Variants in KCNQ1 observed in about 807,000 individuals in gnomAD.
KCNQ1 encodes the protein potassium voltage-gated channel subfamily KQT member 1.
In KCNQ1, 49 loss-of-function variants were observed where a neutral mutation model predicts 72.4. That is an observed-to-expected ratio of 0.68 (90% CI 0.54 to 0.86). The LOEUF (loss-of-function observed/expected upper bound fraction) is 0.86, where lower values mean the gene tolerates loss of function less well. Ranked by LOEUF, KCNQ1 falls within the 40% of genes least tolerant of loss-of-function variation. The pLI is 0.00. For missense variants in KCNQ1, 790 were observed against 945.1 expected (o/e 0.84, Z 2.15); for synonymous variants, 450 against 412.6 (o/e 1.09, Z -1.10).
chr11:2,777,805 C>T (rs1846737449), intron 14 of KCNQ1, 171 bp from the exon 15 acceptor site: 1 of 657,180 alleles, frequency 1.5e-6, no homozygotes, highest in African/African-American at 1.8e-5. Flanking sequence ...GGCCACCGTA[C>T]CACCCCTGGT....
Position 2,603,695 on chromosome 11 carries a change from CT to C in KCNQ1, c.1393+14850del, listed in dbSNP as rs200693107. Among the ~76,000 whole-genome samples the C allele has an allele frequency of 5.3e-5, 8 of 151,676 alleles. No individual in the cohort carries two copies. The highest frequency in any genetic ancestry group is 2.1e-4 in the South Asian group (1 of 4,784). Reference sequence around the variant, plus strand: ...TTTCAAGGTTTGTGCTTCAGTGCTTCTTTTTTTTTCCCCGAGACAGAGTCTC... The same window carrying C: ...TTTCAAGGTTTGTGCTTCAGTGCTTCTTTTTTTTCCCCGAGACAGAGTCTC... On this transcript the variant is annotated intron_variant, in intron 10 of 15. Coordinates refer to ENST00000155840, the MANE Select transcript of KCNQ1 (RefSeq NM_000218.3). This position sits in a 1 kb window ranked among gnomAD's most constrained non-coding sequence, Gnocchi z 4.1.
chr11:2,730,945 G>A (rs1040683370), intron 11 of KCNQ1, among the ~76,000 whole-genome samples: 3 of 152,176 alleles, frequency 2.0e-5, no homozygotes, highest in Non-Finnish European at 4.4e-5. Flanking sequence ...AGAAATGAGA[G>A]CCCCGGCCCA....
intron 11 of KCNQ1, among the ~76,000 whole-genome samples, chr11:2,731,335 G>A (rs1038157882): frequency 1.3e-5 from 2 of 152,214 alleles, no homozygotes; most frequent in Non-Finnish European, 2.9e-5. Context: ...AAATGCCCTC[G>A]TCCCACAGTC....
chr11:2,527,709 G>A (rs2133649108), intron 1 of KCNQ1, among the ~76,000 whole-genome samples: 1 of 152,376 alleles, frequency 6.6e-6, no homozygotes, highest in South Asian at 2.1e-4. Flanking sequence ...CCACGTGGCA[G>A]CATGTGTTGG....
Position 2,817,221 on chromosome 11 carries a change from A to G in KCNQ1, c.1795-30546A>G, listed in dbSNP as rs1049183581. ...CGGCACCAGTGCGCTTGCCTTTGAC[A>G]TGAAAATGTTTTTGCAGCAGGCTCG... On this transcript the variant is annotated intron_variant, in intron 15 of 15. Coordinates refer to ENST00000155840, the MANE Select transcript of KCNQ1 (RefSeq NM_000218.3). The surrounding 1 kb of genome is among the most constrained non-coding windows in gnomAD (Gnocchi z 6.1). 2.0e-5 allele frequency among the ~76,000 whole-genome samples: 3 copies of G among 152,218 alleles called. No individual in the cohort carries two copies. Among genetic ancestry groups the G allele is most frequent in the South Asian group, 2.1e-4 (1 of 4,830 alleles).
chr11:2,704,198 A>G lies in KCNQ1; in HGVS notation c.1514+42117A>G, dbSNP rs1198274626. Among the ~76,000 whole-genome samples, 1 of 152,216 alleles carries G rather than the reference A, an allele frequency of 6.6e-6. No individual in the cohort carries two copies. The highest frequency in any genetic ancestry group is 1.5e-5 in the Non-Finnish European group (1 of 68,038). ...CGCCCACCTTCTTCCTTCACTGGTC[A>G]TAGGTTTCTGCTGACCCTGCAGCCC... is the stretch of plus-strand genomic sequence containing the variant. On this transcript the variant is annotated intron_variant, in intron 11 of 15. Transcript: ENST00000155840. The surrounding 1 kb of genome is among the most constrained non-coding windows in gnomAD (Gnocchi z 4.3).
chr11:2,803,011 G>A lies in KCNQ1; in HGVS notation c.1794+24974G>A, dbSNP rs1847301185. ...TCCACTTCGCCACCCAGAGGAGCTG[G>A]CCCTGGCCACTCTCTCAGAGCAGGA... On this transcript the variant is annotated intron_variant, in intron 15 of 15. Coordinates refer to ENST00000155840, the MANE Select transcript of KCNQ1 (RefSeq NM_000218.3). The surrounding 1 kb of genome is among the most constrained non-coding windows in gnomAD (Gnocchi z 6.4). Among the ~76,000 whole-genome samples the A allele has an allele frequency of 6.6e-6, 1 of 152,230 alleles. No homozygotes were observed. The highest frequency in any genetic ancestry group is 6.5e-5 in the Admixed American group (1 of 15,292).
Position 2,647,724 on chromosome 11 carries a change from G to A in KCNQ1, c.1394-14237G>A. The A allele has an allele frequency of 2.5e-6, 1 of 398,346 alleles. No homozygotes were observed. 24.7% of individuals were successfully genotyped at this position (398,346 alleles called of 1,614,324 possible). A position where few individuals can be genotyped will look rare whatever the true frequency, so the allele number is the denominator to read the frequency against. On this transcript the variant is annotated intron_variant, in intron 10 of 15. Coordinates refer to ENST00000155840, the MANE Select transcript of KCNQ1 (RefSeq NM_000218.3). This position sits in a 1 kb window ranked among gnomAD's most constrained non-coding sequence, Gnocchi z 4.0. Reference sequence around the variant, plus strand: ...TTTTCTTCCTGGTTCAATCTTGGGAGGTTATATATGTCCAGGAATTTATCT... The same window carrying A: ...TTTTCTTCCTGGTTCAATCTTGGGAAGTTATATATGTCCAGGAATTTATCT...
rs768512828 is a variant in KCNQ1, at chr11:2,824,134, C to A, written c.1795-23633C>A. Among the ~76,000 whole-genome samples, 1 of 152,112 alleles carries A rather than the reference C, an allele frequency of 6.6e-6. No individual in the cohort carries two copies. Among genetic ancestry groups the A allele is most frequent in the Admixed American group, 6.5e-5 (1 of 15,280 alleles). ...CACCCATATTCGACACACACATTCA[C>A]ACAAACACACCCAGACACATGCATG... On this transcript the variant is annotated intron_variant, in intron 15 of 15. Coordinates refer to ENST00000155840, the MANE Select transcript of KCNQ1 (RefSeq NM_000218.3). This position sits in a 1 kb window ranked among gnomAD's most constrained non-coding sequence, Gnocchi z 5.9.
chr11:2,692,368 A>C lies in KCNQ1; in HGVS notation c.1514+30287A>C, dbSNP rs1850602419. On this transcript the variant is annotated intron_variant, in intron 11 of 15. Coordinates refer to ENST00000155840, the MANE Select transcript of KCNQ1 (RefSeq NM_000218.3). ...GTACTGCAGGCATCTCCTAACTGGCATTCTCACATCCCCTGCCCCATTCCA... is the reference window on the plus strand; with the variant it reads ...GTACTGCAGGCATCTCCTAACTGGCCTTCTCACATCCCCTGCCCCATTCCA... The C allele has an allele frequency of 1.0e-5, 4 of 398,942 alleles. No individual in the cohort carries two copies. In the East Asian group the frequency reaches 1.4e-4, roughly 14 times the overall value. 24.7% of individuals were successfully genotyped at this position (398,942 alleles called of 1,614,324 possible).
chr11:2,587,064 C>G (rs1848602417), intron 8 of KCNQ1, among the ~76,000 whole-genome samples: 1 of 152,202 alleles, frequency 6.6e-6, no homozygotes, highest in African/African-American at 2.4e-5. Context: ...GTATAGGCCT[C>G]TGGGAGAGAC....
intron 11 of KCNQ1, chr11:2,697,424 C>T: frequency 5.0e-6 from 2 of 398,562 alleles, no homozygotes; most frequent in Non-Finnish European, 8.8e-6. Context: ...ACATCCTTGG[C>T]CTACTCCTTA....
chr11:2,815,618 G>C lies in KCNQ1; in HGVS notation c.1795-32149G>C, dbSNP rs1164229491. 6.6e-6 allele frequency among the ~76,000 whole-genome samples: 1 copy of C among 152,190 alleles called. No individual in the cohort carries two copies. The highest frequency in any genetic ancestry group is 1.5e-5 in the Non-Finnish European group (1 of 68,026). On this transcript the variant is annotated intron_variant, in intron 15 of 15. Transcript: ENST00000155840. The surrounding 1 kb of genome is among the most constrained non-coding windows in gnomAD (Gnocchi z 5.4). ...GATGAGGCACCCAGGATGCCTGACA[G>C]TAGAGTTGCAGGGGGGCAGGCACCA... is the stretch of plus-strand genomic sequence containing the variant.
In KCNQ1 at chr11:2,491,354, G is replaced by A. The variant is rs903759172; in HGVS notation, c.387-36574G>A. 6.6e-6 allele frequency among the ~76,000 whole-genome samples: 1 copy of A among 152,166 alleles called. No individual in the cohort carries two copies. The highest frequency in any genetic ancestry group is 1.5e-5 in the Non-Finnish European group (1 of 68,036). ...AAACTCAAATTCAAGATAACACAGC[G>A]AAGGAATTCAGAATTCTATCAGATA... is the stretch of plus-strand genomic sequence containing the variant. On this transcript the variant is annotated intron_variant, in intron 1 of 15. Coordinates refer to ENST00000155840, the MANE Select transcript of KCNQ1 (RefSeq NM_000218.3). This position sits in a 1 kb window ranked among gnomAD's most constrained non-coding sequence, Gnocchi z 4.1.
Position 2,620,374 on chromosome 11 carries a change from G to A in KCNQ1, c.1393+31520G>A, listed in dbSNP as rs1308897041. On this transcript the variant is annotated intron_variant, in intron 10 of 15. Transcript: ENST00000155840. This position sits in a 1 kb window ranked among gnomAD's most constrained non-coding sequence, Gnocchi z 4.5. ...TGGGATTAGAGGCATGCGCCACCAC[G>A]TCCAGCTAATTTTGTAGTTTTAGTA... is the stretch of plus-strand genomic sequence containing the variant. The A allele has an allele frequency of 2.9e-5, 6 of 208,086 alleles. No individual in the cohort carries two copies. Among genetic ancestry groups the A allele is most frequent in the African/African-American group, 4.6e-5 (2 of 43,426 alleles). 12.9% of individuals were successfully genotyped at this position (208,086 alleles called of 1,614,324 possible).
rs781206634 is a variant in KCNQ1, at chr11:2,764,091, C to G, written c.1515-4753C>G. Among the ~76,000 whole-genome samples the G allele has an allele frequency of 6.6e-6, 1 of 152,088 alleles. No homozygotes were observed. The highest frequency in any genetic ancestry group is 2.4e-5 in the African/African-American group (1 of 41,386). ...CTTTCTGGACAATGTGAAATAGAAA[C>G]GATAACATCCTTGCCTTGCTTCCTG... On this transcript the variant is annotated intron_variant, in intron 11 of 15. Transcript: ENST00000155840. This position sits in a 1 kb window ranked among gnomAD's most constrained non-coding sequence, Gnocchi z 4.8.
intron 15 of KCNQ1, among the ~76,000 whole-genome samples, chr11:2,794,528 A>G (rs895785667): frequency 2.0e-5 from 3 of 152,098 alleles, no homozygotes; most frequent in African/African-American, 7.2e-5. Context: ...ACAGGGGAGA[A>G]GCAGGCTCAT....
In KCNQ1 at chr11:2,690,676, TA is replaced by T; in HGVS notation, c.1514+28596del. 2.5e-6 allele frequency: 1 copy of T among 398,658 alleles called. No homozygotes were observed. The allele number at this position is 398,658 out of a possible 1,614,324, so 24.7% of individuals were successfully genotyped here. ...GTATGTGTGTCAGTGCACATAGGTATAGGGGCTGTCTCTCAGAATTCCTGAG... is the reference window on the plus strand; with the variant it reads ...GTATGTGTGTCAGTGCACATAGGTATGGGGCTGTCTCTCAGAATTCCTGAG... On this transcript the variant is annotated intron_variant, in intron 11 of 15. Transcript: ENST00000155840. This position sits in a 1 kb window ranked among gnomAD's most constrained non-coding sequence, Gnocchi z 5.1.
At chr11:2,660,782 T>C (rs1457385206) in intron 10 of KCNQ1, 1 of 398,632 alleles carries the variant, frequency 2.5e-6, no homozygotes, top group Non-Finnish European at 4.4e-6. Flanking sequence ...CTACAACTTC[T>C]TGGGAAAGCA....
Sources: gnomAD v4.1 joint callset for allele counts (sites outside exome capture counted in the v4.1 genomes callset) on GRCh38, gnomAD v4.1.1 for gene constraint, Gnocchi (gnomAD v3.1) non-coding constraint, MANE v1.5 for transcripts, NCBI Gene and HGNC (gene_info 2026-07-23, HGNC 2026-07-21) for gene names.